The following GPC5 variants were observed in gnomAD, a reference collection of about 807,000 sequenced individuals.
GPC5 encodes glypican 5.
Under a neutral mutation model 53.9 loss-of-function variants are expected in GPC5, and 47 were observed. That is an observed-to-expected ratio of 0.87 (90% CI 0.69 to 1.11). GPC5 has a LOEUF of 1.11. Ranked by LOEUF, GPC5 falls within the 50% of genes most tolerant of loss-of-function variation. The probability of loss-of-function intolerance (pLI) is 0.00; values close to 1 mark genes in which losing one functional copy is unlikely to be tolerated. For synonymous variants in GPC5, 286 were observed against 263.3 expected, an observed-to-expected ratio of 1.09 and a Z score of -0.84; for missense variants, 748 against 713.1, an observed-to-expected ratio of 1.05 and a Z score of -0.56.
intron 6 of GPC5, among the ~76,000 whole-genome samples, chr13:91,974,321 G>A (rs986822517): frequency 5.3e-5 from 8 of 152,166 alleles, no homozygotes; most frequent in African/African-American, 1.9e-4. Context: ...GAAAGAGGAA[G>A]TCAAATTGTC....
At chr13:91,568,630 A>G (rs1269130277) in intron 2 of GPC5, among the ~76,000 whole-genome samples, 1 of 151,932 alleles carries the variant, frequency 6.6e-6, no homozygotes, top group Non-Finnish European at 1.5e-5. Flanking sequence ...AATTTTTCAA[A>G]TATTTTGTCT....
At chr13:92,818,627 C>A (rs935811204) in intron 7 of GPC5, among the ~76,000 whole-genome samples, 3 of 151,848 alleles carry the variant, frequency 2.0e-5, no homozygotes, top group African/African-American at 7.3e-5. Context: ...TGCAAAATGT[C>A]TGGCTCCGAT....
At chr13:91,719,764 C>G (rs1338846410) in intron 3 of GPC5, among the ~76,000 whole-genome samples, 1 of 152,064 alleles carries the variant, frequency 6.6e-6, no homozygotes, top group Non-Finnish European at 1.5e-5. Flanking sequence ...ATATTCTACT[C>G]CTTTATTTCT....
chr13:92,842,519 T>C (rs1462848254), intron 7 of GPC5, among the ~76,000 whole-genome samples: 2 of 152,008 alleles, frequency 1.3e-5, no homozygotes, highest in African/African-American at 4.8e-5. Context: ...TTACTAGGCA[T>C]ACAAATAACA....
At chr13:92,636,470 A>T (rs1885407850) in intron 7 of GPC5, among the ~76,000 whole-genome samples, 1 of 152,168 alleles carries the variant, frequency 6.6e-6, no homozygotes, top group Admixed American at 6.5e-5. Context: ...CACTACTGAA[A>T]ATATAACTGC....
chr13:91,973,959 C>T (rs959274666), intron 6 of GPC5, among the ~76,000 whole-genome samples: 6 of 152,174 alleles, frequency 3.9e-5, no homozygotes, highest in African/African-American at 1.2e-4. Context: ...GCAGTATGCC[C>T]GTTCTCAGAT....
chr13:91,685,559 G>C (rs1253124480), intron 2 of GPC5, among the ~76,000 whole-genome samples: 1 of 152,090 alleles, frequency 6.6e-6, no homozygotes, highest in Non-Finnish European at 1.5e-5. Flanking sequence ...TTATCCCTCT[G>C]TAATACCTAA....
intron 7 of GPC5, among the ~76,000 whole-genome samples, chr13:92,165,414 G>A (rs993758079): frequency 3.9e-5 from 6 of 152,140 alleles, no homozygotes; most frequent in Admixed American, 2.0e-4. Context: ...GGTAATTTAT[G>A]AAGAAAAAAG....
chr13:91,594,578 A>C (rs1719806704), intron 2 of GPC5, among the ~76,000 whole-genome samples: 2 of 152,172 alleles, frequency 1.3e-5, no homozygotes, highest in African/African-American at 4.8e-5. Flanking sequence ...ATGTTCCCCA[A>C]GTAGTCCAGA....
At chr13:92,690,706 T>G (rs1417279544) in intron 7 of GPC5, among the ~76,000 whole-genome samples, 8 of 126,366 alleles carry the variant, frequency 6.3e-5, no homozygotes, top group Non-Finnish European at 1.3e-4. Flanking sequence ...TTTTATCTAC[T>G]TTTGGTCTTT....
chr13:92,508,059 G>A (rs573707033), intron 7 of GPC5, among the ~76,000 whole-genome samples: 1 of 152,118 alleles, frequency 6.6e-6, no homozygotes, highest in East Asian at 1.9e-4. Flanking sequence ...CGCCTCCCAG[G>A]TTCAAGCAAT....
chr13:92,477,686 G>A (rs1259429502), intron 7 of GPC5, among the ~76,000 whole-genome samples: 2 of 152,110 alleles, frequency 1.3e-5, no homozygotes, highest in African/African-American at 4.8e-5. Flanking sequence ...ATAATCATAT[G>A]CATCTGTTTT....
At chr13:91,895,216 C>A (rs2039428954) in intron 5 of GPC5, among the ~76,000 whole-genome samples, 1 of 152,136 alleles carries the variant, frequency 6.6e-6, no homozygotes, top group South Asian at 2.1e-4. Context: ...AGTGATCTGG[C>A]TTCAGATCCC....
At position 92,385,347 on chromosome 13, in the gene GPC5, C is replaced by CAT. The variant is rs1162443225; in HGVS notation, c.1561+240364_1561+240365dup. ...ATATATACATATATACATATATATACATATATACATATATACATATATATA... is the reference window on the plus strand; with the variant it reads ...ATATATACATATATACATATATATACATATATATACATATATACATATATATA... On this transcript the variant is annotated intron_variant, in intron 7 of 7. Coordinates refer to ENST00000377067, the MANE Select transcript of GPC5 (RefSeq NM_004466.6). Among the ~76,000 whole-genome samples the CAT allele has an allele frequency of 1.4e-4, 12 of 86,986 alleles. No homozygotes were observed. In the East Asian group the frequency reaches 2.4e-3, roughly 17 times the overall value. 57.1% of individuals were successfully genotyped at this position (86,986 alleles called of 152,430 possible). A position where few individuals can be genotyped will look rare whatever the true frequency, so the allele number is the denominator to read the frequency against.
chr13:92,601,321 G>T (rs576119539), intron 7 of GPC5, among the ~76,000 whole-genome samples: 15 of 151,824 alleles, frequency 9.9e-5, no homozygotes, highest in Admixed American at 2.0e-4. Context: ...TTTGGGAGGC[G>T]GAGGCAGGCG....
At chr13:92,195,263 A>T (rs1351221432) in intron 7 of GPC5, among the ~76,000 whole-genome samples, 1 of 152,202 alleles carries the variant, frequency 6.6e-6, no homozygotes, top group Admixed American at 6.5e-5. Flanking sequence ...ACATATGTGC[A>T]GTGCCTAAAA....
intron 7 of GPC5, among the ~76,000 whole-genome samples, chr13:92,269,142 G>T: frequency 6.6e-6 from 1 of 151,904 alleles, no homozygotes; most frequent in Non-Finnish European, 1.5e-5. Flanking sequence ...CTTTTCAAGG[G>T]CTTTACTCAA....
chr13:91,420,554 C>T (rs1467405088), intron 1 of GPC5, among the ~76,000 whole-genome samples: 1 of 152,142 alleles, frequency 6.6e-6, no homozygotes, highest in Admixed American at 6.5e-5. Flanking sequence ...TTTCGATTTA[C>T]CTTCAGATAT....
At chr13:92,088,556 C>T (rs1349434925) in intron 6 of GPC5, among the ~76,000 whole-genome samples, 2 of 152,100 alleles carry the variant, frequency 1.3e-5, no homozygotes, top group African/African-American at 2.4e-5. Context: ...CCTTGCCTCA[C>T]CTCAATCAGT....
Sources: allele counts gnomAD v4.1 joint callset (sites outside exome capture counted in the v4.1 genomes callset), GRCh38; gene constraint gnomAD v4.1.1; transcripts MANE v1.5; gene names NCBI Gene and HGNC (gene_info 2026-07-23, HGNC 2026-07-21).